Variants in RAD21L1 observed in about 807,000 individuals in gnomAD.
The protein encoded by RAD21L1 is RAD21 cohesin complex component like 1, also known as double-strand-break repair protein rad21-like protein 1.
RAD21L1 carries 47 observed loss-of-function variants against 69.0 expected under a neutral mutation model. The ratio of observed to expected loss-of-function variants is 0.68; its 90% CI spans 0.54 to 0.87. The LOEUF is 0.87. Ranked by LOEUF, RAD21L1 falls within the 40% of genes least tolerant of loss-of-function variation. The pLI, the probability that RAD21L1 is intolerant of heterozygous loss-of-function variation, is 0.00. For synonymous variants in RAD21L1, 177 were observed against 205.8 expected (o/e 0.86, Z 1.20); for missense variants, 583 against 647.6 (o/e 0.90, Z 1.08).
At chr20:1,240,276 C>T in intron 7 of RAD21L1, 45 bp from the exon 8 acceptor site, 1 of 1,507,336 alleles carries the variant, frequency 6.6e-7, no homozygotes, top group East Asian at 2.5e-5. Flanking sequence ...AGCCTGCATC[C>T]TAACTGGTTT....
rs2087633620 is a variant in RAD21L1, at chr20:1,242,666, C to A, written c.904C>A (p.Pro302Thr). The A allele has an allele frequency of 1.9e-6, 3 of 1,551,368 alleles. No individual in the cohort carries two copies. The highest frequency in any genetic ancestry group is 3.9e-5 in the Admixed American group (2 of 50,978). Residue 302 changes from proline to threonine, a missense_variant, in exon 9 of 14, where the codon CCT (proline) becomes ACT (threonine). Transcript: ENST00000683101. ...KGKKRRLLID[P>T]IKELSSKVIH... ...CAAAAAGAGGAGATTGCTCATAGAT[C>A]CTATCAAGGAGCTCAGTAGCAAAGT...
chr20:1,238,372 T>G (rs913976170), intron 6 of RAD21L1, among the ~76,000 whole-genome samples, 158 bp downstream of exon 6: 18 of 152,342 alleles, frequency 1.2e-4, no homozygotes, highest in African/African-American at 4.1e-4. Flanking sequence ...CTGTGGCATG[T>G]TTAAACATTT....
At chr20:1,252,155 A>T (rs1054544135) in intron 13 of RAD21L1, among the ~76,000 whole-genome samples, 20 of 152,106 alleles carry the variant, frequency 1.3e-4, no homozygotes, top group African/African-American at 3.9e-4. Context: ...TCCCTGCATT[A>T]TCTTTCCTTA....
chr20:1,249,698 T>G (rs2087787936), intron 13 of RAD21L1, among the ~76,000 whole-genome samples: 1 of 152,208 alleles, frequency 6.6e-6, no homozygotes, highest in Non-Finnish European at 1.5e-5. Context: ...TAGTCCCAAC[T>G]AATAATTCTG....
intron 10 of RAD21L1, 83 bp downstream of exon 10, chr20:1,243,279 G>A (rs1406866167): frequency 3.1e-6 from 2 of 639,730 alleles, no homozygotes; most frequent in African/African-American, 1.9e-5. Flanking sequence ...AATGAAGGTG[G>A]GATCCAATTC....
At chr20:1,226,572 C>T (rs867847035) in intron 1 of RAD21L1, among the ~76,000 whole-genome samples, 1 of 152,098 alleles carries the variant, frequency 6.6e-6, no homozygotes, top group South Asian at 2.1e-4. Flanking sequence ...ACGCCCCTCT[C>T]CCAGGGTCCC....
chr20:1,229,515 CA>C (rs1435954752), intron 2 of RAD21L1, among the ~76,000 whole-genome samples: 4 of 151,512 alleles, frequency 2.6e-5, no homozygotes, highest in Non-Finnish European at 4.4e-5. Context: ...ACTCCGTCTC[CA>C]AAAAAACAAT....
intron 5 of RAD21L1, among the ~76,000 whole-genome samples, chr20:1,234,758 T>A (rs1307716951): frequency 3.5e-5 from 5 of 144,198 alleles, no homozygotes; most frequent in African/African-American, 9.9e-5. Flanking sequence ...TATTTTTAAA[T>A]TTTTTTTTTG....
intron 9 of RAD21L1, 31 bp from the exon 10 acceptor site, chr20:1,243,066 A>C: frequency 7.2e-7 from 1 of 1,387,730 alleles, no homozygotes; most frequent in Non-Finnish European, 9.8e-7. Flanking sequence ...TGGTACAAAA[A>C]CAAAAAAAAC....
Position 1,254,384 on chromosome 20 carries a change from C to T in RAD21L1, c.1595C>T (p.Ala532Val). The change falls in exon 14 of 14, where the codon GCT becomes GTT. Residue 532 changes from alanine (A) to valine (V), a missense_variant. Transcript: ENST00000683101. ...TTTCTTGTCCTAAAGAAACAGCTGG[C>T]TATTGAGCTGAGCCAGAGTGCTCCC... ...YSFLVLKKQLAIELSQSAPYA... is the reference protein window; with the variant it reads ...YSFLVLKKQLVIELSQSAPYA... 6.4e-7 allele frequency: 1 copy of T among 1,551,348 alleles called. No homozygotes were observed. Among genetic ancestry groups the T allele is most frequent in the Non-Finnish European group, 8.7e-7 (1 of 1,146,788 alleles).
intron 3 of RAD21L1, chr20:1,230,487 T>C (rs1208639412): frequency 1.9e-5 from 14 of 735,590 alleles, no homozygotes; most frequent in Non-Finnish European, 2.0e-5. Context: ...ATAAATATAA[T>C]ACCTTCAAAA....
chr20:1,234,812 A>G (rs1404330759), intron 5 of RAD21L1, among the ~76,000 whole-genome samples: 1 of 152,128 alleles, frequency 6.6e-6, no homozygotes, highest in Non-Finnish European at 1.5e-5. Context: ...ATGCATGATC[A>G]TGGCTTACTG....
intron 13 of RAD21L1, among the ~76,000 whole-genome samples, chr20:1,253,410 C>T (rs2087874879): frequency 1.3e-5 from 2 of 152,134 alleles, no homozygotes; most frequent in South Asian, 4.1e-4. Flanking sequence ...GATTCTTCTG[C>T]CTCAGCCTCC....
At chr20:1,229,599 A>G (rs1428442536) in intron 2 of RAD21L1, among the ~76,000 whole-genome samples, 1 of 152,236 alleles carries the variant, frequency 6.6e-6, no homozygotes, top group Admixed American at 6.5e-5. Context: ...AGCCTCAGCA[A>G]CTGAACCAAG....
intron 12 of RAD21L1, among the ~76,000 whole-genome samples, chr20:1,247,766 A>G (rs62187482): frequency 0.029 from 4,480 of 152,198 alleles, 99 homozygotes; most frequent in South Asian, 0.13. Flanking sequence ...CTGGGCTCCT[A>G]TACATGAAGG....
Position 1,242,621 on chromosome 20 carries a change from AT to A in RAD21L1, c.861del (p.Ile287MetfsTer14). The A allele has an allele frequency of 3.9e-6, 6 of 1,546,730 alleles. No individual in the cohort carries two copies. Among genetic ancestry groups the A allele is most frequent in the Non-Finnish European group, 5.3e-6 (6 of 1,142,502 alleles). Reference sequence around the variant, plus strand: ...TTTGTGCTATTTCTTATATTTAGACATTGCTGAGAAAAGGAAAGGCAAAAAG... The same window carrying A: ...TTTGTGCTATTTCTTATATTTAGACATGCTGAGAAAAGGAAAGGCAAAAAG... ...FTLDPIDISD[I>X]AEKRKGKKRR... On this transcript the variant is annotated frameshift_variant, in exon 9 of 14. Coordinates refer to ENST00000683101, the MANE Select transcript of RAD21L1 (RefSeq NM_001384355.1). LOFTEE classifies it high-confidence loss of function.
At position 1,246,634 on chromosome 20, in the gene RAD21L1, C is replaced by G. The variant is rs375812760; in HGVS notation, c.1401+329C>G. 6.6e-6 allele frequency among the ~76,000 whole-genome samples: 1 copy of G among 152,052 alleles called. No homozygotes were observed. The highest frequency in any genetic ancestry group is 1.5e-5 in the Non-Finnish European group (1 of 67,960). On this transcript the variant is annotated intron_variant, in intron 12 of 13. Transcript: ENST00000683101. This position sits in a 1 kb window ranked among gnomAD's most constrained non-coding sequence, Gnocchi z 4.6. Reference sequence around the variant, plus strand: ...TATTGATATAACATCTCTAAAGAAACAGAACTATATTAAGAGTATGGCCTA... The same window carrying G: ...TATTGATATAACATCTCTAAAGAAAGAGAACTATATTAAGAGTATGGCCTA...
intron 1 of RAD21L1, among the ~76,000 whole-genome samples, chr20:1,226,754 G>A (rs2087271725): frequency 6.6e-6 from 1 of 152,220 alleles, no homozygotes; most frequent in Non-Finnish European, 1.5e-5. Context: ...CGTGGGGCGG[G>A]AGGGTGCGGG....
chr20:1,240,436 T>G lies in RAD21L1; in HGVS notation c.856+2T>G. The stretch of plus-strand genomic sequence containing the variant: ...CCCTTGATCCAATTGATATTTCAGG[T>G]CAGAGGCATTTACGGTTTTGTTTTA... On this transcript the variant is annotated splice_donor_variant, in intron 8 of 13. Transcript: ENST00000683101. LOFTEE classifies it high-confidence loss of function. 6.5e-7 allele frequency: 1 copy of G among 1,536,374 alleles called. No homozygotes were observed.
Sources: allele counts gnomAD v4.1 joint callset (sites outside exome capture counted in the v4.1 genomes callset), GRCh38; gene constraint gnomAD v4.1.1; non-coding constraint Gnocchi (gnomAD v3.1); transcripts MANE v1.5; gene names NCBI Gene and HGNC (gene_info 2026-07-23, HGNC 2026-07-21).